Variants in MPLKIP observed in about 807,000 individuals in gnomAD.
MPLKIP encodes the protein M-phase-specific PLK1-interacting protein.
MPLKIP carries 16 observed loss-of-function variants against 16.9 expected under a neutral mutation model. The observed-to-expected ratio is 0.94, with a 90% CI of 0.64 to 1.43. MPLKIP has a LOEUF of 1.43. Among genes scored for constraint, MPLKIP ranks in the 40% most tolerant of loss-of-function variants. The pLI is 0.00. For synonymous variants in MPLKIP, 126 were observed against 98.4 expected, an observed-to-expected ratio of 1.28 and a Z score of -1.66; for missense variants, 282 against 237.6, an observed-to-expected ratio of 1.19 and a Z score of -1.23.
Position 40,130,174 on chromosome 7 carries a change from T to C in MPLKIP, c.*2885A>G, listed in dbSNP as rs1787443384. The C allele has an allele frequency of 6.6e-6, 1 of 152,236 alleles. No homozygotes were observed. The highest frequency in any genetic ancestry group is 2.4e-5 in the African/African-American group (1 of 41,474). 9.4% of individuals were successfully genotyped at this position (152,236 alleles called of 1,614,324 possible). A position where few individuals can be genotyped will look rare whatever the true frequency, so the allele number is the denominator to read the frequency against. On this transcript the variant is annotated 3_prime_UTR_variant, in exon 2 of 2. Coordinates refer to ENST00000306984, the MANE Select transcript of MPLKIP (RefSeq NM_138701.4). ...CTACTATAGACTACACTTCCATCCT[T>C]TAAGCATATGAATTTTTAAGATGTA...
chr7:40,132,838 A>G lies in MPLKIP; in HGVS notation c.*221T>C. The G allele has an allele frequency of 1.8e-6, 1 of 563,354 alleles. No individual in the cohort carries two copies. Among genetic ancestry groups the G allele is most frequent in the Non-Finnish European group, 3.2e-6 (1 of 316,106 alleles). The allele number at this position is 563,354 out of a possible 1,614,324, so 34.9% of individuals were successfully genotyped here. A position where few individuals can be genotyped will look rare whatever the true frequency, so the allele number is the denominator to read the frequency against. Reference sequence around the variant, plus strand: ...GAATGTTAAATATATGGAAACGGTAAATCTCTAAAATGTGGTAGGTACTTC... The same window carrying G: ...GAATGTTAAATATATGGAAACGGTAGATCTCTAAAATGTGGTAGGTACTTC... On this transcript the variant is annotated 3_prime_UTR_variant, in exon 2 of 2. Coordinates refer to ENST00000306984, the MANE Select transcript of MPLKIP (RefSeq NM_138701.4).
In MPLKIP at chr7:40,128,963, T is replaced by C. The variant is rs1455550656; in HGVS notation, c.*4096A>G. 2 of 151,254 alleles carry C rather than the reference T, an allele frequency of 1.3e-5. No homozygotes were observed. Among genetic ancestry groups the C allele is most frequent in the Admixed American group, 1.3e-4 (2 of 15,142 alleles). The allele number at this position is 151,254 out of a possible 1,614,324, so 9.4% of individuals were successfully genotyped here. A position where few individuals can be genotyped will look rare whatever the true frequency, so the allele number is the denominator to read the frequency against. ...GAATGGTGGAAATACAGAGTTTGCTTCACAGGAGATTCACCAAAACTAATC... is the reference window on the plus strand; with the variant it reads ...GAATGGTGGAAATACAGAGTTTGCTCCACAGGAGATTCACCAAAACTAATC... On this transcript the variant is annotated 3_prime_UTR_variant, in exon 2 of 2. Transcript: ENST00000306984.
rs1171450157 is a variant in MPLKIP, at chr7:40,127,680, T to G, written c.*5379A>C. The G allele has an allele frequency of 6.6e-6, 1 of 152,118 alleles. No individual in the cohort carries two copies. Among genetic ancestry groups the G allele is most frequent in the African/African-American group, 2.4e-5 (1 of 41,428 alleles). 9.4% of individuals were successfully genotyped at this position (152,118 alleles called of 1,614,324 possible). A position where few individuals can be genotyped will look rare whatever the true frequency, so the allele number is the denominator to read the frequency against. On this transcript the variant is annotated 3_prime_UTR_variant, in exon 2 of 2. Coordinates refer to ENST00000306984, the MANE Select transcript of MPLKIP (RefSeq NM_138701.4). ...GGCAGTATTTTTACTAAGTGGCATA[T>G]AAAATAATAGTGAATCTCAAAGCAT...
In MPLKIP at chr7:40,126,373, A is replaced by G. The variant is rs987534052; in HGVS notation, c.*6686T>C. The G allele has an allele frequency of 2.6e-5, 4 of 152,240 alleles. No individual in the cohort carries two copies. The highest frequency in any genetic ancestry group is 5.9e-5 in the Non-Finnish European group (4 of 68,040). 9.4% of individuals were successfully genotyped at this position (152,240 alleles called of 1,614,324 possible). The stretch of plus-strand genomic sequence containing the variant: ...AACTATCTTGTTATACTGTGCAAAT[A>G]TGCAACTTATTTATCCTTTCTCCTA... On this transcript the variant is annotated 3_prime_UTR_variant, in exon 2 of 2. Coordinates refer to ENST00000306984, the MANE Select transcript of MPLKIP (RefSeq NM_138701.4).
rs1435365573 is a variant in MPLKIP, at chr7:40,127,648, C to CT, written c.*5410dup. 6.6e-6 allele frequency: 1 copy of CT among 152,106 alleles called. No individual in the cohort carries two copies. The highest frequency in any genetic ancestry group is 2.4e-5 in the African/African-American group (1 of 41,410). The allele number at this position is 152,106 out of a possible 1,614,324, so 9.4% of individuals were successfully genotyped here. A position where few individuals can be genotyped will look rare whatever the true frequency, so the allele number is the denominator to read the frequency against. ...TCTTATAATCAATGACATGTCACAG[C>CT]TTAACTGGCAGTATTTTTACTAAGT... On this transcript the variant is annotated 3_prime_UTR_variant, in exon 2 of 2. Transcript: ENST00000306984.
chr7:40,134,471 C>A lies in MPLKIP; in HGVS notation c.97G>T (p.Gly33Trp), dbSNP rs775211403. 12 of 1,573,658 alleles carry A rather than the reference C, an allele frequency of 7.6e-6. No individual in the cohort carries two copies. Among genetic ancestry groups the A allele is most frequent in the Non-Finnish European group, 1.0e-5 (12 of 1,161,442 alleles). The stretch of plus-strand genomic sequence containing the variant: ...GGGGAGGGCGGCCGTGGTCCGCCCC[C>A]GCCCGGGGTTCCCCGGAAGCTGCTT... ...SGSSFRGTPG[G>W]GGPRPPSPRD... The change falls in exon 1 of 2, where the codon GGG becomes TGG. Residue 33 changes from glycine (G) to tryptophan (W), a missense_variant. By Grantham distance (184) the Gly-to-Trp change is radical. Transcript: ENST00000306984.
rs1224177980 is a variant in MPLKIP, at chr7:40,127,102, C to G, written c.*5957G>C. On this transcript the variant is annotated 3_prime_UTR_variant, in exon 2 of 2. Transcript: ENST00000306984. The stretch of plus-strand genomic sequence containing the variant: ...TTTACTTCTATATACCTACTTATAT[C>G]TAAGTATATGTTCTGCTTTTAAGAG... The G allele has an allele frequency of 1.3e-5, 2 of 151,960 alleles. No individual in the cohort carries two copies. Among genetic ancestry groups the G allele is most frequent in the East Asian group, 3.9e-4 (2 of 5,178 alleles). 9.4% of individuals were successfully genotyped at this position (151,960 alleles called of 1,614,324 possible).
chr7:40,134,464 C>G lies in MPLKIP; in HGVS notation c.104G>C (p.Gly35Ala). The G allele has an allele frequency of 1.9e-6, 3 of 1,570,346 alleles. No individual in the cohort carries two copies. Among genetic ancestry groups the G allele is most frequent in the Non-Finnish European group, 2.6e-6 (3 of 1,159,740 alleles). ...GTCTCGAGGGGAGGGCGGCCGTGGT[C>G]CGCCCCCGCCCGGGGTTCCCCGGAA... Reference protein sequence around the residue: ...SSFRGTPGGGGPRPPSPRDGY... With the variant: ...SSFRGTPGGGAPRPPSPRDGY... Residue 35 changes from glycine (G) to alanine (A), a missense_variant, in exon 1 of 2, where the codon GGA becomes GCA. Gly to Ala is a moderately conservative substitution (Grantham distance 60). Coordinates refer to ENST00000306984, the MANE Select transcript of MPLKIP (RefSeq NM_138701.4).
At position 40,128,515 on chromosome 7, in the gene MPLKIP, G is replaced by A. The variant is rs1327925978; in HGVS notation, c.*4544C>T. 1 of 152,222 alleles carries A rather than the reference G, an allele frequency of 6.6e-6. No homozygotes were observed. The highest frequency in any genetic ancestry group is 1.5e-5 in the Non-Finnish European group (1 of 68,034). 9.4% of individuals were successfully genotyped at this position (152,222 alleles called of 1,614,324 possible). The stretch of plus-strand genomic sequence containing the variant: ...TAACTTGAAGATGTAATGTTAGTAT[G>A]TCAGAAGTAAACATGAAACTTTTAA... On this transcript the variant is annotated 3_prime_UTR_variant, in exon 2 of 2. Coordinates refer to ENST00000306984, the MANE Select transcript of MPLKIP (RefSeq NM_138701.4).
Position 40,134,417 on chromosome 7 carries a change from T to A in MPLKIP, c.151A>T (p.Thr51Ser). The A allele has an allele frequency of 1.3e-6, 2 of 1,563,776 alleles. No individual in the cohort carries two copies. Among genetic ancestry groups the A allele is most frequent in the South Asian group, 1.2e-5 (1 of 85,726 alleles). Residue 51 changes from threonine to serine, a missense_variant, in exon 1 of 2, where the codon ACG becomes TCG. Transcript: ENST00000306984. ...CTAGACCGGGGCCCGTACGGCGGCG[T>A]GTGGTGCGGACTCCCGTACCCGTCT... ...PRDGYGSPHHTPPYGPRSRPY... is the reference protein window; with the variant it reads ...PRDGYGSPHHSPPYGPRSRPY...
Position 40,127,222 on chromosome 7 carries a change from C to T in MPLKIP, c.*5837G>A, listed in dbSNP as rs1382555373. On this transcript the variant is annotated 3_prime_UTR_variant, in exon 2 of 2. Transcript: ENST00000306984. Reference sequence around the variant, plus strand: ...ACGAGGTCAGGAGTTCGAGACCAGCCTTGCCAATATGGTGAAACCCCATCT... The same window carrying T: ...ACGAGGTCAGGAGTTCGAGACCAGCTTTGCCAATATGGTGAAACCCCATCT... The T allele has an allele frequency of 6.6e-6, 1 of 152,096 alleles. No individual in the cohort carries two copies. Among genetic ancestry groups the T allele is most frequent in the Non-Finnish European group, 1.5e-5 (1 of 68,088 alleles). The allele number at this position is 152,096 out of a possible 1,614,324, so 9.4% of individuals were successfully genotyped here.
At position 40,131,365 on chromosome 7, in the gene MPLKIP, T is replaced by C. The variant is rs1451825014; in HGVS notation, c.*1694A>G. The C allele has an allele frequency of 6.6e-6, 1 of 152,128 alleles. No individual in the cohort carries two copies. The highest frequency in any genetic ancestry group is 1.9e-4 in the East Asian group (1 of 5,196). 9.4% of individuals were successfully genotyped at this position (152,128 alleles called of 1,614,324 possible). Reference sequence around the variant, plus strand: ...GTTTTACTAGCTCTATCTTCGTATTTTGTAACTTCAAAATGCCTAGAGTCT... The same window carrying C: ...GTTTTACTAGCTCTATCTTCGTATTCTGTAACTTCAAAATGCCTAGAGTCT... On this transcript the variant is annotated 3_prime_UTR_variant, in exon 2 of 2. Transcript: ENST00000306984.
rs181099330 is a variant in MPLKIP at position 40,130,458 on chromosome 7, A to G, written c.*2601T>C. ...CTTAAAAAACTCAGGCCAGGTCTCT[A>G]GAAGTAGATGTTGGTAAGCGTTAGC... On this transcript the variant is annotated 3_prime_UTR_variant, in exon 2 of 2. Coordinates refer to ENST00000306984, the MANE Select transcript of MPLKIP (RefSeq NM_138701.4). 6.6e-6 allele frequency: 1 copy of G among 152,272 alleles called. No individual in the cohort carries two copies. The highest frequency in any genetic ancestry group is 1.9e-4 in the East Asian group (1 of 5,190). The allele number at this position is 152,272 out of a possible 1,614,324, so 9.4% of individuals were successfully genotyped here.
rs1787400613 is a variant in MPLKIP, at chr7:40,126,970, C to CTAT, written c.*6086_*6088dup. On this transcript the variant is annotated 3_prime_UTR_variant, in exon 2 of 2. Coordinates refer to ENST00000306984, the MANE Select transcript of MPLKIP (RefSeq NM_138701.4). ...TACAGGCGCCCGCCACCATGCCTGGCTATTTTTTTTTTTTTATTTTTAGTA... is the reference window on the plus strand; with the variant it reads ...TACAGGCGCCCGCCACCATGCCTGGCTATTATTTTTTTTTTTTTATTTTTAGTA... The CTAT allele has an allele frequency of 6.6e-6, 1 of 151,122 alleles. No individual in the cohort carries two copies. The highest frequency in any genetic ancestry group is 6.6e-5 in the Admixed American group (1 of 15,146). 9.4% of individuals were successfully genotyped at this position (151,122 alleles called of 1,614,324 possible). A position where few individuals can be genotyped will look rare whatever the true frequency, so the allele number is the denominator to read the frequency against.
chr7:40,131,857 CA>C lies in MPLKIP; in HGVS notation c.*1201del. On this transcript the variant is annotated 3_prime_UTR_variant, in exon 2 of 2. Coordinates refer to ENST00000306984, the MANE Select transcript of MPLKIP (RefSeq NM_138701.4). ...TATTTCAAAAACAAAACAAAACAAACAAAAAAAACAAAACATGGTCTCTACT... is the reference window on the plus strand; with the variant it reads ...TATTTCAAAAACAAAACAAAACAAACAAAAAAACAAAACATGGTCTCTACT... 1 of 150,700 alleles carries C rather than the reference CA, an allele frequency of 6.6e-6. No homozygotes were observed. The allele number at this position is 150,700 out of a possible 1,614,324, so 9.3% of individuals were successfully genotyped here. A position where few individuals can be genotyped will look rare whatever the true frequency, so the allele number is the denominator to read the frequency against.
chr7:40,134,436 C>T lies in MPLKIP; in HGVS notation c.132G>A (p.Gly44=). 1.3e-6 allele frequency: 2 copies of T among 1,567,078 alleles called. No homozygotes were observed. The highest frequency in any genetic ancestry group is 1.7e-6 in the Non-Finnish European group (2 of 1,157,858). Residue 44 remains glycine (G), a synonymous_variant, in exon 1 of 2, where the codon GGG becomes GGA. Transcript: ENST00000306984. ...GGPRPPSPRD[G]YGSPHHTPPY... ...GCGGCGTGTGGTGCGGACTCCCGTA[C>T]CCGTCTCGAGGGGAGGGCGGCCGTG...
In MPLKIP at chr7:40,128,293, A is replaced by G. The variant is rs1242904025; in HGVS notation, c.*4766T>C. 1 of 152,236 alleles carries G rather than the reference A, an allele frequency of 6.6e-6. No homozygotes were observed. Among genetic ancestry groups the G allele is most frequent in the Non-Finnish European group, 1.5e-5 (1 of 68,038 alleles). 9.4% of individuals were successfully genotyped at this position (152,236 alleles called of 1,614,324 possible). The stretch of plus-strand genomic sequence containing the variant: ...TATTTCTGTTAACTTAAACCTAAGT[A>G]TATGGTAGGAATGAATGATACAGAG... On this transcript the variant is annotated 3_prime_UTR_variant, in exon 2 of 2. Transcript: ENST00000306984.
rs968915401 is a variant in MPLKIP, at chr7:40,126,725, C to A, written c.*6334G>T. On this transcript the variant is annotated 3_prime_UTR_variant, in exon 2 of 2. Coordinates refer to ENST00000306984, the MANE Select transcript of MPLKIP (RefSeq NM_138701.4). The stretch of plus-strand genomic sequence containing the variant: ...TACAGGCGTGAGCCACCGCGCCCAG[C>A]CTCAATTATGGTTTTTAATGAATTT... 6.6e-6 allele frequency: 1 copy of A among 152,226 alleles called. No homozygotes were observed. Among genetic ancestry groups the A allele is most frequent in the Non-Finnish European group, 1.5e-5 (1 of 68,080 alleles). The allele number at this position is 152,226 out of a possible 1,614,324, so 9.4% of individuals were successfully genotyped here.
chr7:40,131,220 C>T lies in MPLKIP; in HGVS notation c.*1839G>A, dbSNP rs1787458051. 6.6e-6 allele frequency: 1 copy of T among 151,688 alleles called. No individual in the cohort carries two copies. Among genetic ancestry groups the T allele is most frequent in the East Asian group, 1.9e-4 (1 of 5,196 alleles). 9.4% of individuals were successfully genotyped at this position (151,688 alleles called of 1,614,324 possible). A position where few individuals can be genotyped will look rare whatever the true frequency, so the allele number is the denominator to read the frequency against. On this transcript the variant is annotated 3_prime_UTR_variant, in exon 2 of 2. Transcript: ENST00000306984. ...AGCTTTTATTAATCTAAAAGCCTTC[C>T]ATTCTTATTTTCTAGTCTCTGTGAA...
Sources: gnomAD v4.1 joint callset for allele counts on GRCh38, gnomAD v4.1.1 for gene constraint, MANE v1.5 for transcripts, NCBI Gene and HGNC (gene_info 2026-07-23, HGNC 2026-07-21) for gene names.